The following CAST variants were observed in gnomAD, a reference collection of about 807,000 sequenced individuals.
CAST encodes MIR583 host.
CAST carries 76 observed loss-of-function variants against 119.6 expected under a neutral mutation model. The observed-to-expected ratio is 0.64, with a 90% CI of 0.53 to 0.77. The LOEUF is 0.77. Among genes scored for constraint, CAST ranks in the 30% least tolerant of loss-of-function variants. The pLI, the probability that CAST is intolerant of heterozygous loss-of-function variation, is 0.00. For missense variants in CAST, 953 were observed against 946.5 expected (o/e 1.01, Z -0.09); for synonymous variants, 319 against 331.6 (o/e 0.96, Z 0.41).
chr5:96,607,011 G>A (rs1210921303), intron 1 of CAST, among the ~76,000 whole-genome samples: 1 of 152,172 alleles, frequency 6.6e-6, no homozygotes, highest in Non-Finnish European at 1.5e-5. Context: ...CTATATTGGC[G>A]GGCGCGGTAG....
chr5:96,081,032 C>T, the CAST span, among the ~76,000 whole-genome samples: 1 of 152,096 alleles, frequency 6.6e-6, no homozygotes, highest in Non-Finnish European at 1.5e-5. Context: ...AAGTCTGGGT[C>T]CTATAAGGAA....
At chr5:96,122,005 T>C in the CAST span, among the ~76,000 whole-genome samples, 1 of 152,218 alleles carries the variant, frequency 6.6e-6, no homozygotes, top group Non-Finnish European at 1.5e-5. Flanking sequence ...TAATTTTCTT[T>C]TTCCACTGCA....
the CAST span, among the ~76,000 whole-genome samples, chr5:96,022,543 A>G: frequency 6.6e-6 from 1 of 152,232 alleles, no homozygotes; most frequent in African/African-American, 2.4e-5. Context: ...TAGTTCTTAG[A>G]ACCATAGTTC....
the CAST span, among the ~76,000 whole-genome samples, chr5:96,198,749 C>T: frequency 3.3e-5 from 5 of 152,158 alleles, no homozygotes; most frequent in East Asian, 9.6e-4. Context: ...AGCAAAAGGG[C>T]TCAGACGTGG....
At chr5:96,317,019 T>A in the CAST span, among the ~76,000 whole-genome samples, 17 of 152,262 alleles carry the variant, frequency 1.1e-4, no homozygotes, top group Non-Finnish European at 2.2e-4. Flanking sequence ...AAAGAGAGAC[T>A]AGGTTTGAGT....
chr5:96,366,117 GT>G, the CAST span, among the ~76,000 whole-genome samples: 103 of 152,278 alleles, frequency 6.8e-4, no homozygotes, highest in Non-Finnish European at 1.1e-3. Flanking sequence ...GAAATTCTGG[GT>G]TGAAAATTCT....
the CAST span, among the ~76,000 whole-genome samples, chr5:96,339,731 A>G: frequency 3.3e-5 from 5 of 152,182 alleles, no homozygotes; most frequent in Non-Finnish European, 5.9e-5. Flanking sequence ...TCCTTGGAGG[A>G]GAGCTAAGGT....
At chr5:96,118,961 A>G in the CAST span, among the ~76,000 whole-genome samples, 14 of 152,076 alleles carry the variant, frequency 9.2e-5, no homozygotes, top group African/African-American at 3.4e-4. Context: ...GGTACTGGAC[A>G]TTATACAGAG....
intron 3 of CAST, among the ~76,000 whole-genome samples, chr5:96,708,877 A>G (rs1755544492): frequency 6.6e-6 from 1 of 152,296 alleles, no homozygotes; most frequent in African/African-American, 2.4e-5. Context: ...AATTTCTCCT[A>G]TATTTGTAAC....
chr5:96,771,312 A>G (rs573730597), intron 30 of CAST, among the ~76,000 whole-genome samples: 1 of 152,314 alleles, frequency 6.6e-6, no homozygotes, highest in African/African-American at 2.4e-5. Context: ...CTGGACAGCC[A>G]TGACCCTATG....
chr5:96,646,384 G>A (rs936097808), intron 1 of CAST, among the ~76,000 whole-genome samples: 3 of 152,170 alleles, frequency 2.0e-5, no homozygotes, highest in African/African-American at 7.2e-5. Context: ...GCTACCACCA[G>A]GCAACAGTTA....
At chr5:96,465,232 A>G in the CAST span, among the ~76,000 whole-genome samples, 2 of 151,972 alleles carry the variant, frequency 1.3e-5, no homozygotes, top group Admixed American at 1.3e-4. Context: ...ATAAAATTGA[A>G]TTTTGTATTT....
the CAST span, among the ~76,000 whole-genome samples, chr5:96,396,467 A>C: frequency 1.3e-5 from 2 of 151,830 alleles, no homozygotes; most frequent in Non-Finnish European, 2.9e-5. Flanking sequence ...AGGCTGAGGC[A>C]GGAGAAGCGC....
the CAST span, among the ~76,000 whole-genome samples, chr5:96,189,566 T>C: frequency 3.9e-5 from 6 of 152,196 alleles, no homozygotes; most frequent in Non-Finnish European, 7.3e-5. Flanking sequence ...TGCAAAAAAG[T>C]AATTTACTTT....
At chr5:96,346,870 G>C in the CAST span, among the ~76,000 whole-genome samples, 1 of 152,134 alleles carries the variant, frequency 6.6e-6, no homozygotes, top group Non-Finnish European at 1.5e-5. Context: ...TCTTTGAATA[G>C]TAGGTGTGAA....
the CAST span, among the ~76,000 whole-genome samples, chr5:96,373,443 T>A: frequency 7.3e-4 from 111 of 152,234 alleles, 1 homozygote; most frequent in Admixed American, 3.3e-3. Context: ...CAACTTAATC[T>A]TTTCTGCTTT....
chr5:96,206,124 C>T, the CAST span, among the ~76,000 whole-genome samples: 16 of 151,580 alleles, frequency 1.1e-4, no homozygotes, highest in Middle Eastern at 3.4e-3. Flanking sequence ...TCTTTTGAAA[C>T]GTGTTTATGT....
chr5:96,106,419 T>G, the CAST span, among the ~76,000 whole-genome samples: 21 of 152,252 alleles, frequency 1.4e-4, no homozygotes, highest in East Asian at 3.3e-3. Flanking sequence ...TCTGGTATGT[T>G]GTGTTTTTGT....
the CAST span, among the ~76,000 whole-genome samples, chr5:96,082,688 C>G: frequency 6.6e-6 from 1 of 152,092 alleles, no homozygotes; most frequent in South Asian, 2.1e-4. Context: ...ACAGTATGAT[C>G]ATGATCCCAC....
Sources: allele counts gnomAD v4.1 joint callset (sites outside exome capture counted in the v4.1 genomes callset), GRCh38; gene constraint gnomAD v4.1.1; transcripts MANE v1.5; gene names NCBI Gene and HGNC (gene_info 2026-07-23, HGNC 2026-07-21).